FXR2: variants seen among roughly 807,000 people sequenced by gnomAD.
FXR2 encodes RNA-binding protein FXR2.
A neutral mutation model predicts 87.3 loss-of-function variants in FXR2; 9 were observed. The ratio of observed to expected loss-of-function variants is 0.10; its 90% CI spans 0.06 to 0.18. FXR2 has a LOEUF of 0.18. FXR2 is among the 10% of genes least tolerant of loss of function. FXR2 has a pLI of 1.00. For synonymous variants in FXR2, 331 were observed against 328.3 expected (o/e 1.01, Z -0.09); for missense variants, 661 against 893.6 (o/e 0.74, Z 3.32).
intron 5 of FXR2, 23 bp downstream of exon 5, chr17:7,603,734 T>C: frequency 6.2e-7 from 1 of 1,612,188 alleles, no homozygotes; most frequent in Non-Finnish European, 8.5e-7. Context: ...AGGGCCCTCA[T>C]TCCCACCATC....
intron 1 of FXR2, among the ~76,000 whole-genome samples, chr17:7,607,209 T>A (rs1310777673): frequency 6.6e-6 from 1 of 151,680 alleles, no homozygotes; most frequent in Non-Finnish European, 1.5e-5. Context: ...TCCCAGCTAT[T>A]TGGGAGGCTG....
At chr17:7,596,031 G>C (rs16956822) in intron 7 of FXR2, 37 bp from the exon 8 acceptor site, 1 of 1,513,292 alleles carries the variant, frequency 6.6e-7, no homozygotes, top group Non-Finnish European at 9.2e-7. Flanking sequence ...CATGGTGGTA[G>C]AATCTCACAG....
chr17:7,593,901 T>C lies in FXR2; in HGVS notation c.1107+17A>G. ...TCCCTTTTCACACCCAGCATTTTTC[T>C]CTCCCGGCCTGGGTACCTGCAGGTA... is the stretch of plus-strand genomic sequence containing the variant. On this transcript the variant is annotated intron_variant, in intron 11 of 16. Coordinates refer to ENST00000250113, the MANE Select transcript of FXR2 (RefSeq NM_004860.4). The surrounding 1 kb of genome is among the most constrained non-coding windows in gnomAD (Gnocchi z 6.1). The C allele has an allele frequency of 6.5e-7, 1 of 1,534,752 alleles. No individual in the cohort carries two copies.
At chr17:7,614,227 G>C in intron 1 of FXR2, 1 of 685,898 alleles carries the variant, frequency 1.5e-6, no homozygotes, top group Non-Finnish European at 2.7e-6. Context: ...TCATTCTCCC[G>C]GAGATGGGGG....
In FXR2 at chr17:7,614,539, G is replaced by A. The variant is rs1201180092; in HGVS notation, c.-7C>T. On this transcript the variant is annotated 5_prime_UTR_variant, in exon 1 of 17. Coordinates refer to ENST00000250113, the MANE Select transcript of FXR2 (RefSeq NM_004860.4). Reference sequence around the variant, plus strand: ...CAGAGGCCAGGCCGCCCATGGCGCCGCCACCGCCTCCGACTCCCCCGGCGG... The same window carrying A: ...CAGAGGCCAGGCCGCCCATGGCGCCACCACCGCCTCCGACTCCCCCGGCGG... 3.4e-6 allele frequency: 5 copies of A among 1,470,190 alleles called. No homozygotes were observed. Among genetic ancestry groups the A allele is most frequent in the South Asian group, 1.3e-5 (1 of 76,106 alleles). 91.1% of individuals were successfully genotyped at this position (1,470,190 alleles called of 1,614,324 possible). A position where few individuals can be genotyped will look rare whatever the true frequency, so the allele number is the denominator to read the frequency against.
intron 7 of FXR2, among the ~76,000 whole-genome samples, chr17:7,600,604 G>A (rs1424706037): frequency 6.6e-6 from 1 of 152,216 alleles, no homozygotes; most frequent in Non-Finnish European, 1.5e-5. Flanking sequence ...TCAAGACCAA[G>A]GCCGGGCGCA....
Position 7,604,696 on chromosome 17 carries a change from GA to G in FXR2, c.229-617del, listed in dbSNP as rs1364401960. ...ACAGAGTGAGACTTCATCTCAAAAA[GA>G]AAAAAAAGGTATTTGGGATGCATCT... is the stretch of plus-strand genomic sequence containing the variant. On this transcript the variant is annotated intron_variant, in intron 3 of 16. Transcript: ENST00000250113. 1.5e-3 allele frequency among the ~76,000 whole-genome samples: 200 copies of G among 136,780 alleles called. 1 individual carries two copies. Among genetic ancestry groups the G allele is most frequent in the East Asian group, 4.1e-3 (17 of 4,108 alleles). The allele number at this position is 136,780 out of a possible 152,430, so 89.7% of individuals were successfully genotyped here.
Position 7,595,743 on chromosome 17 carries a change from C to T in FXR2, c.831+81G>A. The T allele has an allele frequency of 8.8e-7, 1 of 1,142,694 alleles. No homozygotes were observed. The highest frequency in any genetic ancestry group is 1.3e-6 in the Non-Finnish European group (1 of 782,350). 70.8% of individuals were successfully genotyped at this position (1,142,694 alleles called of 1,614,324 possible). ...GATTACAGGTGTGAGCCACTGTGCC[C>T]AGTTTGAGGCTTATTTTCTACTTCG... On this transcript the variant is annotated intron_variant, in intron 8 of 16. Coordinates refer to ENST00000250113, the MANE Select transcript of FXR2 (RefSeq NM_004860.4). This position sits in a 1 kb window ranked among gnomAD's most constrained non-coding sequence, Gnocchi z 4.7.
chr17:7,591,788 C>T lies in FXR2; in HGVS notation c.*42G>A. On this transcript the variant is annotated 3_prime_UTR_variant, in exon 17 of 17. Transcript: ENST00000250113. The surrounding 1 kb of genome is among the most constrained non-coding windows in gnomAD (Gnocchi z 4.0). ...GGCCTGTGAGGGCCATGGTGTTGGG[C>T]AGCAAGCGAGATGGAGAAGGGAGGG... 3 of 1,049,814 alleles carry T rather than the reference C, an allele frequency of 2.9e-6. No individual in the cohort carries two copies. In the South Asian group the frequency reaches 3.8e-5, roughly 13 times the overall value. The allele number at this position is 1,049,814 out of a possible 1,614,324, so 65.0% of individuals were successfully genotyped here.
At chr17:7,606,722 G>A (rs750604491) in intron 1 of FXR2, among the ~76,000 whole-genome samples, 2 of 151,876 alleles carry the variant, frequency 1.3e-5, no homozygotes, top group Non-Finnish European at 2.9e-5. Context: ...TAAAAACATC[G>A]GTTTTTTAAT....
intron 5 of FXR2, 80 bp from the exon 6 acceptor site, chr17:7,603,082 T>C: frequency 2.8e-6 from 2 of 723,186 alleles, no homozygotes; most frequent in Non-Finnish European, 4.9e-6. Context: ...CATGGTGGTT[T>C]GCACCTGTAA....
rs527702036 is a variant in FXR2, at chr17:7,605,978, C to G, written c.134+119G>C. On this transcript the variant is annotated intron_variant, in intron 2 of 16. Coordinates refer to ENST00000250113, the MANE Select transcript of FXR2 (RefSeq NM_004860.4). ...TCCTCTCCTGGGATCCATATGAGTT[C>G]CCACCCAAACCCTCAGCTCTCCCAA... 5.1e-5 allele frequency: 37 copies of G among 725,054 alleles called. 1 individual carries two copies. In the South Asian group the frequency reaches 6.1e-4, roughly 12 times the overall value. The allele number at this position is 725,054 out of a possible 1,614,324, so 44.9% of individuals were successfully genotyped here.
At chr17:7,597,696 G>A (rs1408095548) in intron 7 of FXR2, among the ~76,000 whole-genome samples, 3 of 152,084 alleles carry the variant, frequency 2.0e-5, no homozygotes, top group Non-Finnish European at 4.4e-5. Context: ...GGCGTGAGCC[G>A]CTGCACCCGG....
rs553361969 is a variant in FXR2, at chr17:7,610,439, A to T, written c.81+4013T>A. ...TGTTAGGCTTGGCCCCAGGGTGAGC[A>T]GCAATATTACCCTAGTTTTCCCAGC... On this transcript the variant is annotated intron_variant, in intron 1 of 16. Transcript: ENST00000250113. 7.2e-5 allele frequency among the ~76,000 whole-genome samples: 11 copies of T among 152,272 alleles called. No individual in the cohort carries two copies. The South Asian group carries it at 2.3e-3, about 32-fold the overall frequency.
chr17:7,600,736 G>C (rs912165135), intron 7 of FXR2, among the ~76,000 whole-genome samples: 1 of 152,086 alleles, frequency 6.6e-6, no homozygotes, highest in African/African-American at 2.4e-5. Flanking sequence ...ATACAAAAAT[G>C]AGCTGGGTGT....
intron 1 of FXR2, among the ~76,000 whole-genome samples, chr17:7,612,110 G>A (rs1431167833): frequency 6.6e-6 from 1 of 152,188 alleles, no homozygotes; most frequent in Non-Finnish European, 1.5e-5. Flanking sequence ...CAGAAAACGT[G>A]TCCCTTCCCA....
At chr17:7,597,251 CCA>C (rs2071714710) in intron 7 of FXR2, among the ~76,000 whole-genome samples, 1 of 152,084 alleles carries the variant, frequency 6.6e-6, no homozygotes, top group South Asian at 2.1e-4. Flanking sequence ...GTTGTAAGCA[CCA>C]AATAGAAACA....
chr17:7,594,528 T>C lies in FXR2; in HGVS notation c.910+151A>G, dbSNP rs1446969877. On this transcript the variant is annotated intron_variant, in intron 9 of 16. Coordinates refer to ENST00000250113, the MANE Select transcript of FXR2 (RefSeq NM_004860.4). The surrounding 1 kb of genome is among the most constrained non-coding windows in gnomAD (Gnocchi z 5.1). The stretch of plus-strand genomic sequence containing the variant: ...TGTTACAATCCCTAGAAATTTATTC[T>C]TTCATTTTTATCACTCCCATTACAG... The C allele has an allele frequency of 1.4e-6, 1 of 700,198 alleles. No homozygotes were observed. Among genetic ancestry groups the C allele is most frequent in the Non-Finnish European group, 2.5e-6 (1 of 399,280 alleles). 43.4% of individuals were successfully genotyped at this position (700,198 alleles called of 1,614,324 possible).
chr17:7,614,021 C>T (rs1384632113), intron 1 of FXR2: 1 of 458,784 alleles, frequency 2.2e-6, no homozygotes, highest in Non-Finnish European at 4.3e-6. Flanking sequence ...GGATCTTTTA[C>T]GGGACAGAGG....
Sources: allele counts gnomAD v4.1 joint callset (sites outside exome capture counted in the v4.1 genomes callset), GRCh38; gene constraint gnomAD v4.1.1; non-coding constraint Gnocchi (gnomAD v3.1); transcripts MANE v1.5; gene names NCBI Gene and HGNC (gene_info 2026-07-23, HGNC 2026-07-21).